TTC17: variants seen among roughly 807,000 people sequenced by gnomAD.
TTC17 encodes the protein tetratricopeptide repeat domain 17.
Under a neutral mutation model 143.8 loss-of-function variants are expected in TTC17, and 58 were observed. The ratio of observed to expected loss-of-function variants is 0.40; its 90% CI spans 0.33 to 0.50. The LOEUF is 0.50. Among genes scored for constraint, TTC17 ranks in the 20% least tolerant of loss-of-function variants. The pLI is 0.49. For synonymous variants in TTC17, 501 were observed against 497.8 expected, an observed-to-expected ratio of 1.01 and a Z score of -0.09; for missense variants, 1,273 against 1,392.5, an observed-to-expected ratio of 0.91 and a Z score of 1.37.
At chr11:43,414,877 T>A (rs1205480258) in intron 16 of TTC17, 101 bp downstream of exon 16, 1 of 1,288,140 alleles carries the variant, frequency 7.8e-7, no homozygotes, top group African/African-American at 1.5e-5. Context: ...TACCCAAGGA[T>A]TTTAGATAAC....
intron 21 of TTC17, among the ~76,000 whole-genome samples, chr11:43,477,378 C>A (rs781427899): frequency 1.1e-4 from 16 of 152,234 alleles, no homozygotes; most frequent in Non-Finnish European, 2.1e-4. Flanking sequence ...GTGCCCCACT[C>A]TGCTAGTACC....
intron 21 of TTC17, among the ~76,000 whole-genome samples, chr11:43,488,537 A>G: frequency 6.6e-6 from 1 of 151,690 alleles, no homozygotes; most frequent in East Asian, 1.9e-4. Flanking sequence ...GAGGTGAATT[A>G]TTAATTAAAT....
intron 2 of TTC17, among the ~76,000 whole-genome samples, chr11:43,380,967 GA>G (rs1037969958): frequency 3.9e-5 from 6 of 152,016 alleles, no homozygotes; most frequent in Non-Finnish European, 7.4e-5. Flanking sequence ...CAATGGTGCA[GA>G]AAAAAATTTT....
intron 21 of TTC17, among the ~76,000 whole-genome samples, chr11:43,471,366 C>T (rs1188566374): frequency 6.6e-6 from 1 of 152,208 alleles, no homozygotes. Context: ...TCTGCTCCAC[C>T]CACTTTGTCC....
chr11:43,441,838 C>A (rs777955502), intron 16 of TTC17, among the ~76,000 whole-genome samples: 1 of 152,050 alleles, frequency 6.6e-6, no homozygotes, highest in Non-Finnish European at 1.5e-5. Context: ...ATAAATATTA[C>A]CATATGGTAG....
chr11:43,413,020 AC>A (rs1246765321), intron 15 of TTC17, among the ~76,000 whole-genome samples: 160 of 150,288 alleles, frequency 1.1e-3, no homozygotes, highest in Middle Eastern at 7.1e-3. Flanking sequence ...ACACACACAC[AC>A]ACACACAAAT....
intron 21 of TTC17, among the ~76,000 whole-genome samples, chr11:43,468,978 A>G (rs1419625494): frequency 1.3e-5 from 2 of 152,228 alleles, no homozygotes; most frequent in Admixed American, 6.5e-5. Context: ...CAATACGTAT[A>G]TATGATGGAC....
intron 10 of TTC17, among the ~76,000 whole-genome samples, chr11:43,402,927 C>T (rs1857935666): frequency 6.6e-6 from 1 of 152,082 alleles, no homozygotes; most frequent in Non-Finnish European, 1.5e-5. Flanking sequence ...ACTCTTTAAT[C>T]TGGAAAAATC....
chr11:43,440,327 A>G (rs1314708863), intron 16 of TTC17, among the ~76,000 whole-genome samples: 1 of 152,190 alleles, frequency 6.6e-6, no homozygotes, highest in Non-Finnish European at 1.5e-5. Flanking sequence ...AAGTGTCTAC[A>G]ATTCCAACTC....
At chr11:43,443,043 G>A (rs1281621599) in intron 16 of TTC17, among the ~76,000 whole-genome samples, 1 of 152,254 alleles carries the variant, frequency 6.6e-6, no homozygotes, top group East Asian at 1.9e-4. Flanking sequence ...TTAAAAAATA[G>A]TGTATCACAT....
In TTC17 at chr11:43,494,002, T is replaced by G; in HGVS notation, c.*98T>G. 1 of 1,423,406 alleles carries G rather than the reference T, an allele frequency of 7.0e-7. No individual in the cohort carries two copies. Among genetic ancestry groups the G allele is most frequent in the Non-Finnish European group, 9.3e-7 (1 of 1,071,484 alleles). 88.2% of individuals were successfully genotyped at this position (1,423,406 alleles called of 1,614,324 possible). A position where few individuals can be genotyped will look rare whatever the true frequency, so the allele number is the denominator to read the frequency against. ...GTCAGTATCTACTATTAATGATGTG[T>G]GTGAAAATAACTAAGACTTATAACA... On this transcript the variant is annotated 3_prime_UTR_variant, in exon 24 of 24. Coordinates refer to ENST00000039989, the MANE Select transcript of TTC17 (RefSeq NM_018259.6).
chr11:43,362,005 A>T (rs966643973), intron 1 of TTC17, among the ~76,000 whole-genome samples: 6 of 115,410 alleles, frequency 5.2e-5, no homozygotes, highest in Non-Finnish European at 8.6e-5. Context: ...TTTGAGATGG[A>T]GTTTTGCTCT....
chr11:43,409,163 A>G (rs1858286223), intron 15 of TTC17, among the ~76,000 whole-genome samples: 1 of 152,178 alleles, frequency 6.6e-6, no homozygotes, highest in Admixed American at 6.6e-5. Flanking sequence ...ATCTCTAAAA[A>G]ACTTATTCCT....
At chr11:43,446,569 TTAAG>T in intron 18 of TTC17, 1 of 731,814 alleles carries the variant, frequency 1.4e-6, no homozygotes, top group Non-Finnish European at 1.7e-6. Context: ...TATGGCTTAT[TTAAG>T]TTATTAATTT....
chr11:43,411,243 T>C (rs747794425), intron 15 of TTC17, among the ~76,000 whole-genome samples: 7 of 152,206 alleles, frequency 4.6e-5, no homozygotes, highest in Non-Finnish European at 1.0e-4. Flanking sequence ...TGCCTCCTTG[T>C]AGTTCCTTGA....
chr11:43,393,304 C>T (rs1286472663), intron 5 of TTC17, among the ~76,000 whole-genome samples: 2 of 152,156 alleles, frequency 1.3e-5, no homozygotes, highest in Non-Finnish European at 2.9e-5. Context: ...CCACAGCTGC[C>T]TCCCCAAGTT....
chr11:43,377,010 T>G (rs1481829704), intron 1 of TTC17, among the ~76,000 whole-genome samples: 1 of 152,048 alleles, frequency 6.6e-6, no homozygotes, highest in Non-Finnish European at 1.5e-5. Context: ...AAATACAGTA[T>G]TAGGTTGGGC....
chr11:43,459,037 C>G (rs1947816231), intron 21 of TTC17, among the ~76,000 whole-genome samples: 1 of 152,056 alleles, frequency 6.6e-6, no homozygotes, highest in Non-Finnish European at 1.5e-5. Flanking sequence ...GAACATATTC[C>G]CCTCAGATAA....
intron 21 of TTC17, among the ~76,000 whole-genome samples, chr11:43,480,442 A>G (rs1228652247): frequency 6.6e-6 from 1 of 152,198 alleles, no homozygotes; most frequent in Non-Finnish European, 1.5e-5. Flanking sequence ...AAGAAAGAAT[A>G]AAGATATTTA....
Sources: allele counts gnomAD v4.1 joint callset (sites outside exome capture counted in the v4.1 genomes callset), GRCh38; gene constraint gnomAD v4.1.1; transcripts MANE v1.5; gene names NCBI Gene and HGNC (gene_info 2026-07-23, HGNC 2026-07-21).